The following APBA3 variants were observed in gnomAD, a reference collection of about 807,000 sequenced individuals.
APBA3 encodes the protein amyloid beta precursor protein binding family A member 3, also known as amyloid-beta A4 precursor protein-binding family A member 3.
A neutral mutation model predicts 55.9 loss-of-function variants in APBA3; 45 were observed. The observed-to-expected ratio is 0.80, with a 90% CI of 0.63 to 1.03. The LOEUF is 1.03. APBA3 is among the 50% of genes least tolerant of loss of function. The probability of loss-of-function intolerance (pLI) is 0.00; values close to 1 mark genes in which losing one functional copy is unlikely to be tolerated. For synonymous variants in APBA3, 370 were observed against 353.3 expected (o/e 1.05, Z -0.53); for missense variants, 865 against 820.3 (o/e 1.05, Z -0.67).
rs141564502 is a variant in APBA3, at chr19:3,759,108, A to G, written c.616+453T>C. 2.7e-4 allele frequency among the ~76,000 whole-genome samples: 41 copies of G among 152,272 alleles called. No individual in the cohort carries two copies. The East Asian group carries it at 7.7e-3, about 29-fold the overall frequency. ...GCTGGGCGTGGTGGCACGCACCTGT[A>G]GTCTCAGCTATTTGGGAAACTGAGG... On this transcript the variant is annotated intron_variant, in intron 3 of 10. Coordinates refer to ENST00000316757, the MANE Select transcript of APBA3 (RefSeq NM_004886.4).
At position 3,761,658 on chromosome 19, in the gene APBA3, C is replaced by G. The variant is rs993250364; in HGVS notation, c.-160G>C. The G allele has an allele frequency of 6.6e-6, 1 of 152,390 alleles. No homozygotes were observed. The highest frequency in any genetic ancestry group is 1.5e-5 in the Non-Finnish European group (1 of 68,144). The allele number at this position is 152,390 out of a possible 1,614,324, so 9.4% of individuals were successfully genotyped here. On this transcript the variant is annotated 5_prime_UTR_variant, in exon 1 of 11. Coordinates refer to ENST00000316757, the MANE Select transcript of APBA3 (RefSeq NM_004886.4). ...AGCTCGGGGATTCCCGGTCCCGGCG[C>G]CCGCTCCTCTATCCGCGCAGAGCCC...
intron 6 of APBA3, 157 bp downstream of exon 6, chr19:3,753,608 T>G: frequency 1.4e-6 from 1 of 734,538 alleles, no homozygotes; most frequent in Non-Finnish European, 2.1e-6. Context: ...ATTGCGCCAC[T>G]GCACTCCAGC....
intron 1 of APBA3, 63 bp downstream of exon 1, chr19:3,761,473 C>G (rs6510768): frequency 0.89 from 135,355 of 152,560 alleles, 60,380 homozygotes; most frequent in East Asian, 1. Context: ...ACCCTAGTCC[C>G]CCCTCAGACC....
At position 3,760,229 on chromosome 19, in the gene APBA3, C is replaced by T; in HGVS notation, c.36G>A (p.Gly12=). The T allele has an allele frequency of 1.2e-6, 2 of 1,607,756 alleles. No individual in the cohort carries two copies. Among genetic ancestry groups the T allele is most frequent in the Middle Eastern group, 1.7e-4 (1 of 6,048 alleles). The change falls in exon 2 of 11, where the codon GGG becomes GGA. Residue 12 remains glycine (G), a synonymous_variant. Coordinates refer to ENST00000316757, the MANE Select transcript of APBA3 (RefSeq NM_004886.4). ...DFPTISRSPS[G]PPAMDLEGPR... ...GCCCCTCCAAGTCCATGGCTGGAGG[C>T]CCCGAAGGGGATCGGGAAATTGTGG...
intron 3 of APBA3, chr19:3,755,037 TTCCC>T (rs374568593): frequency 1.2e-4 from 18 of 152,370 alleles, no homozygotes; most frequent in African/African-American, 3.8e-4. Context: ...GGTTCTGGAA[TTCCC>T]TCCATCAATC....
rs867448731 is a variant in APBA3 at position 3,753,570 on chromosome 19, T to C, written c.1011+195A>G. The stretch of plus-strand genomic sequence containing the variant: ...CTGAAGTGGGAGGATCGCTTGAGCC[T>C]GGAAGGTTGAGGCTGCAGTGAACTA... On this transcript the variant is annotated intron_variant, in intron 6 of 10. Coordinates refer to ENST00000316757, the MANE Select transcript of APBA3 (RefSeq NM_004886.4). The C allele has an allele frequency of 6.3e-5, 35 of 559,762 alleles. No homozygotes were observed. The Middle Eastern group carries it at 2.2e-3, about 36-fold the overall frequency. 34.7% of individuals were successfully genotyped at this position (559,762 alleles called of 1,614,324 possible). A position where few individuals can be genotyped will look rare whatever the true frequency, so the allele number is the denominator to read the frequency against.
chr19:3,751,483 T>TG lies in APBA3; in HGVS notation c.1465dup (p.His489ProfsTer40). On this transcript the variant is annotated frameshift_variant, in exon 9 of 11. Transcript: ENST00000316757. LOFTEE classifies it high-confidence loss of function. ...CAGCTGCTCGCGGGCGTGGGGCCGG[T>TG]GGATGATGGCGGTGGTGACGGGAGG... 6.4e-7 allele frequency: 1 copy of TG among 1,572,752 alleles called. No individual in the cohort carries two copies.
rs372462135 is a variant in APBA3 at position 3,750,774 on chromosome 19, C to G, written c.*252G>C. 4.3e-6 allele frequency: 5 copies of G among 1,169,992 alleles called. No individual in the cohort carries two copies. The African/African-American group carries it at 6.1e-5, about 14-fold the overall frequency. The allele number at this position is 1,169,992 out of a possible 1,614,324, so 72.5% of individuals were successfully genotyped here. A position where few individuals can be genotyped will look rare whatever the true frequency, so the allele number is the denominator to read the frequency against. On this transcript the variant is annotated 3_prime_UTR_variant, in exon 11 of 11. Coordinates refer to ENST00000316757, the MANE Select transcript of APBA3 (RefSeq NM_004886.4). ...CATACAGAACCCACAACCTTACCTC[C>G]CTCCGCCTGGTCTTTAATAAACAGA...
chr19:3,760,535 G>A (rs1466370180), intron 1 of APBA3, among the ~76,000 whole-genome samples: 1 of 151,918 alleles, frequency 6.6e-6, no homozygotes, highest in Admixed American at 6.6e-5. Context: ...AGATCATGGG[G>A]TCAGGAGTTT....
intron 3 of APBA3, chr19:3,756,033 A>C (rs565745991): frequency 6.6e-6 from 1 of 152,304 alleles, no homozygotes; most frequent in South Asian, 2.1e-4. Context: ...GCATTCTGGA[A>C]CAAGAGCTCC....
chr19:3,751,359 A>G (rs2036999087), intron 9 of APBA3, 30 bp from the exon 10 acceptor site: 1 of 1,517,074 alleles, frequency 6.6e-7, no homozygotes, highest in East Asian at 2.5e-5. Context: ...GACGGGAAAG[A>G]GGTGGGGGCT....
At position 3,752,504 on chromosome 19, in the gene APBA3, TC is replaced by T; in HGVS notation, c.1395+3del. The T allele has an allele frequency of 1.3e-6, 2 of 1,566,198 alleles. No homozygotes were observed. Among genetic ancestry groups the T allele is most frequent in the South Asian group, 1.2e-5 (1 of 85,894 alleles). ...TGGGGGCCCTGCCACACCAGGAAAC[TC>T]ACGCGGACAGCGGCCTGGCACGCAG... On this transcript the variant is annotated splice_donor_region_variant and intron_variant, in intron 8 of 10. Transcript: ENST00000316757.
Position 3,760,254 on chromosome 19 carries a change from G to A in APBA3, c.11C>T (p.Pro4Leu), listed in dbSNP as rs1198298665. The A allele has an allele frequency of 6.2e-7, 1 of 1,600,338 alleles. No homozygotes were observed. The highest frequency in any genetic ancestry group is 1.3e-5 in the African/African-American group (1 of 74,626). The change falls in exon 2 of 11, where the codon CCC (proline) becomes CTC (leucine). Residue 4 changes from proline (P) to leucine (L), a missense_variant. Physicochemically the swap from Pro to Leu is moderately conservative, Grantham distance 98. Transcript: ENST00000316757. Reference protein sequence around the residue: MDFPTISRSPSGPP... With the variant: MDFLTISRSPSGPP... ...CCCCGAAGGGGATCGGGAAATTGTG[G>A]GGAAGTCCATGCCTGGACTCCAGGC...
intron 7 of APBA3, 25 bp downstream of exon 7, chr19:3,752,795 G>A (rs772732441): frequency 1.2e-6 from 2 of 1,610,708 alleles, no homozygotes; most frequent in Non-Finnish European, 1.7e-6. Context: ...GGCACCAGGT[G>A]GGGGCTGCCC....
rs900478759 is a variant in APBA3, at chr19:3,752,970, G to A, written c.1032C>T (p.Ala344=). 1.9e-6 allele frequency: 3 copies of A among 1,612,348 alleles called. No homozygotes were observed. The highest frequency in any genetic ancestry group is 1.7e-5 in the Admixed American group (1 of 59,998). Residue 344 remains alanine (A), a synonymous_variant, in exon 7 of 11, where the codon GCC becomes GCT. Transcript: ENST00000316757. ...YAEDAQLIAQ[A]IGQAFAAAYS... The stretch of plus-strand genomic sequence containing the variant: ...AGGCGGCGGCGAAGGCCTGGCCAAT[G>A]GCCTGGGCGATGAGCTGGGCCTGCG...
intron 3 of APBA3, 77 bp downstream of exon 3, chr19:3,759,484 G>A: frequency 7.1e-7 from 1 of 1,413,458 alleles, no homozygotes; most frequent in Admixed American, 2.0e-5. Context: ...CTGGCAAGCT[G>A]TTGCCAGGCT....
At chr19:3,753,366 G>A (rs1282733758) in intron 6 of APBA3, 1 of 376,758 alleles carries the variant, frequency 2.7e-6, no homozygotes, top group East Asian at 4.7e-5. Context: ...TAGGAGGCTG[G>A]ACGCGGTGGC....
chr19:3,758,073 T>C (rs777222572), intron 3 of APBA3, among the ~76,000 whole-genome samples: 2 of 151,994 alleles, frequency 1.3e-5, no homozygotes, highest in African/African-American at 2.4e-5. Flanking sequence ...TAGCTGGGAT[T>C]ACAGGCGTGC....
In APBA3 at chr19:3,752,583, G is replaced by A. The variant is rs1171092658; in HGVS notation, c.1320C>T (p.Ile440=). ...CGTTGATGGCGGTCAGGCGGTCCCC[G>A]ATGCTGAGGGCCCCCGAGCGCTCAG... is the stretch of plus-strand genomic sequence containing the variant. ...GPAERSGALS[I]GDRLTAINGT... is the part of the protein sequence containing the mutation. Residue 440 remains isoleucine, a synonymous_variant, in exon 8 of 11, where the codon ATC becomes ATT. Coordinates refer to ENST00000316757, the MANE Select transcript of APBA3 (RefSeq NM_004886.4). The A allele has an allele frequency of 4.4e-6, 7 of 1,587,148 alleles. No individual in the cohort carries two copies. The highest frequency in any genetic ancestry group is 2.3e-5 in the East Asian group (1 of 43,992).
Sources: allele counts gnomAD v4.1 joint callset (sites outside exome capture counted in the v4.1 genomes callset), GRCh38; gene constraint gnomAD v4.1.1; transcripts MANE v1.5; gene names NCBI Gene and HGNC (gene_info 2026-07-23, HGNC 2026-07-21).